The following CFAP69 variants were observed in gnomAD, a reference collection of about 807,000 sequenced individuals.
CFAP69 encodes the protein cilia- and flagella-associated protein 69.
In CFAP69, 92 loss-of-function variants were observed where a neutral mutation model predicts 123.0. The ratio of observed to expected loss-of-function variants is 0.75; its 90% CI spans 0.63 to 0.89. The LOEUF (loss-of-function observed/expected upper bound fraction) is 0.89, where lower values mean the gene tolerates loss of function less well. Ranked by LOEUF, CFAP69 falls within the 40% of genes least tolerant of loss-of-function variation. The pLI is 0.00. For synonymous variants in CFAP69, 380 were observed against 364.3 expected (o/e 1.04, Z -0.49); for missense variants, 1,067 against 1,096.9 (o/e 0.97, Z 0.39).
intron 5 of CFAP69, among the ~76,000 whole-genome samples, chr7:90,268,052 A>G (rs1320729234): frequency 6.6e-6 from 1 of 152,168 alleles, no homozygotes; most frequent in Non-Finnish European, 1.5e-5. Flanking sequence ...CCTAGAAAGG[A>G]GAGGCTGAAT....
At chr7:90,251,921 T>G (rs1797057996) in intron 1 of CFAP69, 1 of 152,152 alleles carries the variant, frequency 6.6e-6, no homozygotes, top group African/African-American at 2.4e-5. Flanking sequence ...ATCCTGCAAT[T>G]GGGGTGGCCC....
Position 90,310,109 on chromosome 7 carries a change from C to G in CFAP69, c.2697C>G (p.Ala899=). Residue 899 remains alanine (A), a synonymous_variant, in exon 23 of 23, where the codon GCC becomes GCG. Coordinates refer to ENST00000389297, the MANE Select transcript of CFAP69 (RefSeq NM_001039706.3). ...GGVVTVESTP[A]RLVGGPLVDT... ...TAGTAACAGTGGAAAGCACTCCTGC[C>G]CGATTAGTAGGAGGACCTCTGGTTG... The G allele has an allele frequency of 2.5e-6, 4 of 1,613,670 alleles. No individual in the cohort carries two copies. Among genetic ancestry groups the G allele is most frequent in the Non-Finnish European group, 3.4e-6 (4 of 1,179,754 alleles).
intron 3 of CFAP69, among the ~76,000 whole-genome samples, chr7:90,259,423 A>C (rs898017235): frequency 7.2e-5 from 11 of 152,150 alleles, no homozygotes; most frequent in African/African-American, 2.4e-4. Context: ...ACAAACAAAC[A>C]AACACTACCT....
intron 1 of CFAP69, among the ~76,000 whole-genome samples, chr7:90,252,489 G>T (rs781405013): frequency 3.3e-5 from 5 of 152,008 alleles, no homozygotes; most frequent in Non-Finnish European, 5.9e-5. Flanking sequence ...GCAACATGGC[G>T]ACACTCTATC....
intron 15 of CFAP69, among the ~76,000 whole-genome samples, chr7:90,297,211 A>T (rs1377913843): frequency 6.6e-6 from 1 of 152,130 alleles, no homozygotes; most frequent in Non-Finnish European, 1.5e-5. Context: ...CATTCTTAAG[A>T]TCTCTGTTTT....
chr7:90,279,827 G>C lies in CFAP69; in HGVS notation c.1306G>C (p.Glu436Gln), dbSNP rs1562883565. 1.2e-6 allele frequency: 2 copies of C among 1,612,954 alleles called. No homozygotes were observed. The highest frequency in any genetic ancestry group is 2.2e-5 in the South Asian group (2 of 90,846). ...TLSSVAPLLI[E>Q]EYMSCQGNAR... ...GTCATCAGTGGCTCCTTTATTAATA[G>C]AAGAATACATGTCATGCCAGGGAAA... Residue 436 changes from glutamate (E) to glutamine (Q), a missense_variant, in exon 12 of 23, where the codon GAA becomes CAA. By Grantham distance (29) the Glu-to-Gln change is conservative. Coordinates refer to ENST00000389297, the MANE Select transcript of CFAP69 (RefSeq NM_001039706.3).
chr7:90,279,880 G>C lies in CFAP69; in HGVS notation c.1359G>C (p.Trp453Cys). 6.3e-7 allele frequency: 1 copy of C among 1,590,630 alleles called. No homozygotes were observed. The highest frequency in any genetic ancestry group is 8.5e-7 in the Non-Finnish European group (1 of 1,171,878). Residue 453 changes from tryptophan (W) to cysteine (C), a missense_variant, in exon 12 of 23, where the codon TGG becomes TGC. By Grantham distance (215) the Trp-to-Cys change is radical (BLOSUM62 -2). Transcript: ENST00000389297. ...GNARVLAFLE[W>C]CESEDPFFSH... ...CTCGAGTCCTTGCATTTCTAGAATG[G>C]TGTGAGAGTGAAGGTGAGTGGCCCT... is the stretch of plus-strand genomic sequence containing the variant.
downstream of CFAP69, among the ~76,000 whole-genome samples, chr7:90,315,860 A>C (rs1794761427): frequency 6.6e-6 from 1 of 152,226 alleles, no homozygotes; most frequent in South Asian, 2.1e-4. Context: ...TGGGAGGCAG[A>C]GGCAGGTGGA....
intron 17 of CFAP69, chr7:90,300,822 T>G (rs561533087): frequency 2.0e-5 from 3 of 152,224 alleles, no homozygotes; most frequent in Non-Finnish European, 4.4e-5. Context: ...AGCTAATTTT[T>G]GTATTTTTTG....
rs773678897 is a variant in CFAP69, at chr7:90,255,495, T to G, written c.180+13T>G. ...AGAGACTGATAAAGTGAGTAAGCTT[T>G]GAGAGAAAATTACTCCGCTGCATTA... On this transcript the variant is annotated intron_variant, in intron 2 of 22. Coordinates refer to ENST00000389297, the MANE Select transcript of CFAP69 (RefSeq NM_001039706.3). 3.1e-6 allele frequency: 5 copies of G among 1,598,802 alleles called. No individual in the cohort carries two copies. In the South Asian group the frequency reaches 5.5e-5, roughly 18 times the overall value.
rs116366189 is a variant in CFAP69, at chr7:90,290,954, C to T, written c.1775+2602C>T. 8.2e-3 allele frequency among the ~76,000 whole-genome samples: 1,240 copies of T among 152,116 alleles called. 16 individuals are homozygous for T. Among genetic ancestry groups the T allele is most frequent in the African/African-American group, 0.029 (1,186 of 41,492 alleles). Reference sequence around the variant, plus strand: ...AGCTTGTTCAGTCCACATTCCCTATCAGGAAGAAGAGTGCAAGTAGCCCCG... The same window carrying T: ...AGCTTGTTCAGTCCACATTCCCTATTAGGAAGAAGAGTGCAAGTAGCCCCG... On this transcript the variant is annotated intron_variant, in intron 15 of 22. Transcript: ENST00000389297.
In CFAP69 at chr7:90,271,486, GTGAGATAACTGTA is replaced by G. The variant is rs1339017520; in HGVS notation, c.533-37_533-25del. On this transcript the variant is annotated intron_variant, in intron 6 of 22. Coordinates refer to ENST00000389297, the MANE Select transcript of CFAP69 (RefSeq NM_001039706.3). ...ATTCTTTTGTCTTAATGATCATTCT[GTGAGATAACTGTA>G]TGTATTTATTAATGAATTGTTGTTA... is the stretch of plus-strand genomic sequence containing the variant. 4 of 1,554,038 alleles carry G rather than the reference GTGAGATAACTGTA, an allele frequency of 2.6e-6. No homozygotes were observed. The African/African-American group carries it at 5.5e-5, about 21-fold the overall frequency.
At chr7:90,319,952 A>G in the CFAP69 span, among the ~76,000 whole-genome samples, 1 of 152,222 alleles carries the variant, frequency 6.6e-6, no homozygotes, top group Non-Finnish European at 1.5e-5. Flanking sequence ...CAACGTTCTG[A>G]TCAAGAGTCT....
chr7:90,245,391 G>A lies in CFAP69; in HGVS notation c.-34G>A. ...CTGCGGGCGCACTGTAGGACAGGAA[G>A]ATCCCCCCACTCTCCACCCCGCCGC... On this transcript the variant is annotated 5_prime_UTR_variant, in exon 1 of 23. Coordinates refer to ENST00000389297, the MANE Select transcript of CFAP69 (RefSeq NM_001039706.3). 6.6e-7 allele frequency: 1 copy of A among 1,507,538 alleles called. No individual in the cohort carries two copies. Among genetic ancestry groups the A allele is most frequent in the South Asian group, 1.3e-5 (1 of 78,464 alleles). The allele number at this position is 1,507,538 out of a possible 1,614,324, so 93.4% of individuals were successfully genotyped here.
intron 1 of CFAP69, among the ~76,000 whole-genome samples, chr7:90,248,124 A>T (rs1796550464): frequency 1.3e-5 from 2 of 152,178 alleles, no homozygotes; most frequent in Admixed American, 6.5e-5. Flanking sequence ...TTTAATGCAG[A>T]TTTCGGTCTG....
At chr7:90,283,919 G>C (rs1447462693) in intron 13 of CFAP69, among the ~76,000 whole-genome samples, 1 of 152,090 alleles carries the variant, frequency 6.6e-6, no homozygotes, top group Non-Finnish European at 1.5e-5. Context: ...GAAATAGCAG[G>C]AAATCAAAGT....
intron 14 of CFAP69, chr7:90,287,606 G>T: frequency 2.0e-6 from 2 of 985,408 alleles, no homozygotes; most frequent in South Asian, 9.4e-5. Flanking sequence ...TCAATAGATA[G>T]ATTTTAAGTG....
At chr7:90,276,374 A>G (rs1279194782) in intron 9 of CFAP69, among the ~76,000 whole-genome samples, 1 of 152,216 alleles carries the variant, frequency 6.6e-6, no homozygotes, top group Non-Finnish European at 1.5e-5. Context: ...AAACATTCAG[A>G]TGAATTTCAC....
chr7:90,302,100 T>G (rs1207111109), intron 17 of CFAP69: 2 of 152,260 alleles, frequency 1.3e-5, no homozygotes, highest in Non-Finnish European at 2.9e-5. Context: ...TTTCATATGC[T>G]TGTTGGCTGC....
Sources: gnomAD v4.1 joint callset for allele counts (sites outside exome capture counted in the v4.1 genomes callset) on GRCh38, gnomAD v4.1.1 for gene constraint, MANE v1.5 for transcripts, NCBI Gene and HGNC (gene_info 2026-07-23, HGNC 2026-07-21) for gene names.